The following PRMT8 variants were observed in gnomAD, a reference collection of about 807,000 sequenced individuals.
The protein encoded by PRMT8 is protein arginine N-methyltransferase 8.
In PRMT8, 7 loss-of-function variants were observed where a neutral mutation model predicts 47.1. That is an observed-to-expected ratio of 0.15 (90% CI 0.08 to 0.28). The LOEUF (loss-of-function observed/expected upper bound fraction) is 0.28. PRMT8 is among the 10% of genes least tolerant of loss of function. The pLI, the probability that PRMT8 is intolerant of heterozygous loss-of-function variation, is 1.00. For missense variants in PRMT8, 237 were observed against 505.4 expected (o/e 0.47, Z 5.09); for synonymous variants, 188 against 186.5 (o/e 1.01, Z -0.07).
intron 1 of PRMT8, among the ~76,000 whole-genome samples, chr12:3,540,398 T>C (rs540867498): frequency 1.8e-4 from 28 of 152,170 alleles, no homozygotes; most frequent in Non-Finnish European, 3.2e-4. Flanking sequence ...TGTGTGTGGC[T>C]CCTCGGTGGA....
At chr12:3,458,636 T>C (rs531820489) in intron 1 of PRMT8, among the ~76,000 whole-genome samples, 23 of 152,354 alleles carry the variant, frequency 1.5e-4, no homozygotes, top group African/African-American at 5.3e-4. Flanking sequence ...AGTATATCTG[T>C]CCTGTTCCAC....
At chr12:3,432,937 C>G (rs1273556874) in intron 1 of PRMT8, among the ~76,000 whole-genome samples, 1 of 152,120 alleles carries the variant, frequency 6.6e-6, no homozygotes, top group East Asian at 1.9e-4. Flanking sequence ...TGGCCATTCT[C>G]TTATAATCGT....
chr12:3,536,791 A>C (rs1255754938), intron 1 of PRMT8, among the ~76,000 whole-genome samples: 1 of 152,218 alleles, frequency 6.6e-6, no homozygotes, highest in African/African-American at 2.4e-5. Flanking sequence ...GGCAGCCTGG[A>C]AGTGGTGGAA....
upstream of PRMT8, among the ~76,000 whole-genome samples, chr12:3,486,791 T>C (rs116837331): frequency 3.9e-3 from 596 of 152,292 alleles, 3 homozygotes; most frequent in African/African-American, 0.013. Flanking sequence ...AGAAAATGCC[T>C]CCCAGATATT....
rs981582782 is a variant in PRMT8, at chr12:3,436,462, G to C, written c.48+55020G>C. ...TCTGGTTTTATCCCTCAGAACCCAG[G>C]TAGCTGCTTTCTTTCTTTCTTTTTT... is the stretch of plus-strand genomic sequence containing the variant. On this transcript the variant is annotated intron_variant, in intron 1 of 9. Transcript: ENST00000452611. This position sits in a 1 kb window ranked among gnomAD's most constrained non-coding sequence, Gnocchi z 4.2. 6.6e-6 allele frequency among the ~76,000 whole-genome samples: 1 copy of C among 152,146 alleles called. No individual in the cohort carries two copies. The highest frequency in any genetic ancestry group is 2.4e-5 in the African/African-American group (1 of 41,432).
rs79613136 is a variant in PRMT8, at chr12:3,559,584, T to A, written c.481+5870T>A. Among the ~76,000 whole-genome samples the A allele has an allele frequency of 7.6e-3, 1,165 of 152,350 alleles. 8 individuals carry two copies. The highest frequency in any genetic ancestry group is 0.025 in the African/African-American group (1,030 of 41,572). On this transcript the variant is annotated intron_variant, in intron 4 of 9. Transcript: ENST00000382622. ...TCCTCTCATTTCCTCCCTTTCCATATTTCTACCTCCTTTCTCTACCAGAAA... is the reference window on the plus strand; with the variant it reads ...TCCTCTCATTTCCTCCCTTTCCATAATTCTACCTCCTTTCTCTACCAGAAA...
chr12:3,446,988 TGTGAA>T (rs1864862237), intron 1 of PRMT8, among the ~76,000 whole-genome samples: 1 of 152,104 alleles, frequency 6.6e-6, no homozygotes. Flanking sequence ...TTATGAACCA[TGTGAA>T]GTGAAGTCCT....
rs1225585514 is a variant in PRMT8 at position 3,508,382 on chromosome 12, A to G, written c.75+16682A>G. Among the ~76,000 whole-genome samples, 1 of 152,184 alleles carries G rather than the reference A, an allele frequency of 6.6e-6. No homozygotes were observed. The highest frequency in any genetic ancestry group is 1.5e-5 in the Non-Finnish European group (1 of 68,028). Reference sequence around the variant, plus strand: ...TATCCTGTGTGATTTGTAGTTCATAATATGTGAGACATGAGGTACAAGTTT... The same window carrying G: ...TATCCTGTGTGATTTGTAGTTCATAGTATGTGAGACATGAGGTACAAGTTT... On this transcript the variant is annotated intron_variant, in intron 1 of 9. Coordinates refer to ENST00000382622, the MANE Select transcript of PRMT8 (RefSeq NM_019854.5). The surrounding 1 kb of genome is among the most constrained non-coding windows in gnomAD (Gnocchi z 4.9).
intron 1 of PRMT8, among the ~76,000 whole-genome samples, chr12:3,433,378 C>T (rs1489491702): frequency 6.6e-6 from 1 of 152,170 alleles, no homozygotes. Context: ...CTTTTTTGAG[C>T]ACTTATGTGC....
At chr12:3,418,738 G>T (rs938186494) in intron 1 of PRMT8, among the ~76,000 whole-genome samples, 15 of 151,770 alleles carry the variant, frequency 9.9e-5, no homozygotes, top group Non-Finnish European at 2.1e-4. Context: ...TCAGGTCATG[G>T]CTGGAGCAGA....
intron 1 of PRMT8, among the ~76,000 whole-genome samples, chr12:3,526,786 G>A (rs546046469): frequency 6.6e-6 from 1 of 152,058 alleles, no homozygotes; most frequent in Non-Finnish European, 1.5e-5. Flanking sequence ...TACATTGTTT[G>A]ATATTAATAT....
intron 1 of PRMT8, among the ~76,000 whole-genome samples, chr12:3,470,989 G>A (rs1202454370): frequency 6.6e-6 from 1 of 152,198 alleles, no homozygotes; most frequent in Non-Finnish European, 1.5e-5. Flanking sequence ...ATCCTGGGCG[G>A]AAGCTGGGGG....
intron 1 of PRMT8, among the ~76,000 whole-genome samples, chr12:3,401,952 A>G (rs1011614960): frequency 2.0e-5 from 3 of 152,346 alleles, no homozygotes; most frequent in African/African-American, 7.2e-5. Flanking sequence ...ACTACCATTG[A>G]CATTCTTCAC....
chr12:3,442,850 G>C (rs941371978), intron 1 of PRMT8, among the ~76,000 whole-genome samples: 2 of 151,984 alleles, frequency 1.3e-5, no homozygotes, highest in African/African-American at 4.8e-5. Context: ...ATAGAGATGG[G>C]GTTTCACTAT....
intron 6 of PRMT8, among the ~76,000 whole-genome samples, chr12:3,571,552 C>T (rs1866846025): frequency 6.6e-6 from 1 of 152,064 alleles, no homozygotes; most frequent in Non-Finnish European, 1.5e-5. Flanking sequence ...GCTCCTAAGG[C>T]ACTGGCCCCA....
intron 1 of PRMT8, among the ~76,000 whole-genome samples, chr12:3,478,886 A>G (rs1046175376): frequency 2.0e-5 from 3 of 152,254 alleles, no homozygotes; most frequent in Non-Finnish European, 2.9e-5. Flanking sequence ...ATGATTCCAC[A>G]GTTAGTTTTA....
At chr12:3,591,869 A>G (rs933303385) in intron 8 of PRMT8, among the ~76,000 whole-genome samples, 4 of 152,184 alleles carry the variant, frequency 2.6e-5, no homozygotes, top group African/African-American at 9.7e-5. Flanking sequence ...TGTTGAACTA[A>G]TTAAAAACAG....
intron 1 of PRMT8, among the ~76,000 whole-genome samples, chr12:3,388,814 C>T (rs1241202720): frequency 6.6e-6 from 1 of 152,196 alleles, no homozygotes; most frequent in Non-Finnish European, 1.5e-5. Flanking sequence ...AAGTGATAGT[C>T]AAGATCATAT....
chr12:3,571,468 C>T (rs1405267835), intron 6 of PRMT8, among the ~76,000 whole-genome samples: 1 of 152,154 alleles, frequency 6.6e-6, no homozygotes, highest in East Asian at 1.9e-4. Flanking sequence ...TCATGGTTTC[C>T]ACAACAAAGA....
Sources: gnomAD v4.1 joint callset for allele counts (sites outside exome capture counted in the v4.1 genomes callset) on GRCh38, gnomAD v4.1.1 for gene constraint, Gnocchi (gnomAD v3.1) non-coding constraint, MANE v1.5 for transcripts, NCBI Gene and HGNC (gene_info 2026-07-23, HGNC 2026-07-21) for gene names.